IQSEC2: variants seen among roughly 807,000 people sequenced by gnomAD.
IQSEC2 encodes the protein IQ motif and SEC7 domain-containing protein 2.
A neutral mutation model predicts 74.6 loss-of-function variants in IQSEC2; 6 were observed. The observed-to-expected ratio is 0.08, with a 90% CI of 0.04 to 0.16. The LOEUF (loss-of-function observed/expected upper bound fraction) is 0.16, where lower values mean the gene tolerates loss of function less well. IQSEC2 is among the 10% of genes least tolerant of loss of function. IQSEC2 has a pLI of 1.00. For missense variants in IQSEC2, 734 were observed against 1,306.2 expected, an observed-to-expected ratio of 0.56 and a Z score of 6.75; for synonymous variants, 494 against 544.5, an observed-to-expected ratio of 0.91 and a Z score of 1.29.
intron 2 of IQSEC2, among the ~76,000 whole-genome samples, chrX:53,273,787 C>T (rs1343234726): frequency 8.9e-6 from 1 of 112,262 alleles, no homozygotes; most frequent in East Asian, 2.8e-4. Flanking sequence ...TTCTTTGGAT[C>T]TGCTACAGAG....
At chrX:53,312,981 G>A (rs2075335830) in intron 1 of IQSEC2, among the ~76,000 whole-genome samples, 1 of 112,363 alleles carries the variant, frequency 8.9e-6, no homozygotes, top group Admixed American at 9.4e-5. Flanking sequence ...TAGTGAAATG[G>A]TACCTATTAG....
chrX:53,244,534 A>T (rs1477245091), intron 8 of IQSEC2, among the ~76,000 whole-genome samples: 1 of 105,814 alleles, frequency 9.5e-6, no homozygotes, highest in African/African-American at 3.6e-5. Context: ...TCAAAAAAAA[A>T]AAAAAAAAAC....
intron 1 of IQSEC2, 89 bp from the exon 2 acceptor site, chrX:53,292,013 T>C: frequency 2.6e-6 from 2 of 758,013 alleles, no homozygotes; most frequent in Non-Finnish European, 3.9e-6. Flanking sequence ...TGGGGGGCCT[T>C]GAGGCCTAAT....
intron 6 of IQSEC2, 61 bp from the exon 7 acceptor site, chrX:53,248,297 C>T: frequency 1.7e-6 from 2 of 1,177,196 alleles, no homozygotes; most frequent in Non-Finnish European, 2.3e-6. Context: ...CTCTGACCCA[C>T]CTGGACCTGC....
chrX:53,263,799 AGTCT>A (rs2074608835), intron 2 of IQSEC2, among the ~76,000 whole-genome samples: 1 of 111,591 alleles, frequency 9.0e-6, no homozygotes, highest in African/African-American at 3.3e-5. Flanking sequence ...TATCACAGTC[AGTCT>A]TTCTTCCTGG....
intron 3 of IQSEC2, among the ~76,000 whole-genome samples, chrX:53,255,154 T>C (rs1468963687): frequency 4.6e-5 from 5 of 108,051 alleles, no homozygotes; most frequent in Non-Finnish European, 7.6e-5. Context: ...GAAGAACATA[T>C]TGATTATTTG....
At chrX:53,266,231 G>A (rs1020373322) in intron 2 of IQSEC2, 9 of 302,677 alleles carry the variant, frequency 3.0e-5, no homozygotes, top group Non-Finnish European at 3.5e-5. Context: ...TCTCTTTCCC[G>A]GCCCCTATTC....
rs2074441433 is a variant in IQSEC2, at chrX:53,254,726, T to C, written c.1205A>G (p.Asn402Ser). ...AGGCTTGCCCTCGAAGTACGCGGGG[T>C]TCTGTGCCTTCTCATACTCCTCAAA... The part of the protein sequence containing the change: ...FSFEEYEKAQ[N>S]PAYFEGKPAS... The change falls in exon 4 of 15, where the codon AAC becomes AGC. Residue 402 changes from asparagine to serine, a missense_variant. Transcript: ENST00000642864. 19 of 1,202,611 alleles carry C rather than the reference T, an allele frequency of 1.6e-5. No individual in the cohort carries two copies. Among genetic ancestry groups the C allele is most frequent in the Non-Finnish European group, 1.8e-5 (16 of 891,373 alleles).
rs374403734 is a variant in IQSEC2 at position 53,308,472 on chromosome X, G to A, written c.707+11945C>T. On this transcript the variant is annotated intron_variant, in intron 1 of 14. Coordinates refer to ENST00000642864, the MANE Select transcript of IQSEC2 (RefSeq NM_001111125.3). ...ATTTGGCCCTGCGATGACTAATAGT[G>A]ACATAGTCATAATCACATAAACAGT... Among the ~76,000 whole-genome samples the A allele has an allele frequency of 3.1e-4, 34 of 111,451 alleles. No individual in the cohort carries two copies. In the Middle Eastern group the frequency reaches 0.014, roughly 45 times the overall value.
Position 53,248,185 on chromosome X carries a change from G to T in IQSEC2, c.2511C>A (p.Leu837=), listed in dbSNP as rs1556862446. The change falls in exon 7 of 15, where the codon CTC becomes CTA. Residue 837 remains leucine (L), a synonymous_variant. Transcript: ENST00000642864. The stretch of plus-strand genomic sequence containing the variant: ...CCCGGATATGGGACTGGAACTTCCG[G>T]AGCGCATCATCCAGATCCATGGAGG... ...DFSSMDLDDA[L]RKFQSHIRVQ... is the part of the protein sequence containing the mutation. 1 of 1,209,959 alleles carries T rather than the reference G, an allele frequency of 8.3e-7. No individual in the cohort carries two copies. Among genetic ancestry groups the T allele is most frequent in the Admixed American group, 2.2e-5 (1 of 45,891 alleles).
chrX:53,259,351 A>G (rs1240259893), intron 2 of IQSEC2, among the ~76,000 whole-genome samples: 1 of 104,751 alleles, frequency 9.5e-6, no homozygotes, highest in African/African-American at 3.5e-5. Flanking sequence ...CAAAAATACA[A>G]AAAATTAGCC....
At position 53,251,148 on chromosome X, in the gene IQSEC2, G is replaced by A. The variant is rs781915467; in HGVS notation, c.1428C>T (p.Asp476=). 12 of 1,209,295 alleles carry A rather than the reference G, an allele frequency of 9.9e-6. No homozygotes were observed. Among genetic ancestry groups the A allele is most frequent in the East Asian group, 3.0e-5 (1 of 33,757 alleles). ...CTGACGGGTGGCAGTTCAGGGCTTC[G>A]TCGATGGATTCAGCCAGAGACTTTA... ...KQVKSLAESI[D]EALNCHPSGP... The change falls in exon 5 of 15, where the codon GAC becomes GAT. Residue 476 remains aspartate, a synonymous_variant. Transcript: ENST00000642864.
chrX:53,306,402 G>A (rs1340026343), intron 1 of IQSEC2, among the ~76,000 whole-genome samples: 1 of 111,205 alleles, frequency 9.0e-6, no homozygotes, highest in Non-Finnish European at 1.9e-5. Context: ...CCTCGGCTGA[G>A]GGCTCGCTTG....
chrX:53,310,709 T>C (rs947165176), intron 1 of IQSEC2, among the ~76,000 whole-genome samples: 4 of 111,414 alleles, frequency 3.6e-5, no homozygotes, highest in Admixed American at 2.9e-4. Flanking sequence ...GAGACCTGGC[T>C]GTCAGGCCAG....
intron 3 of IQSEC2, 101 bp from the exon 4 acceptor site, chrX:53,255,032 G>C (rs1292894170): frequency 2.3e-6 from 2 of 855,240 alleles, no homozygotes; most frequent in Non-Finnish European, 3.3e-6. Flanking sequence ...ATGGCTGACT[G>C]CTTACAGCCA....
intron 1 of IQSEC2, 21 bp downstream of exon 1, chrX:53,320,396 G>A: frequency 8.8e-7 from 1 of 1,136,429 alleles, no homozygotes; most frequent in Non-Finnish European, 1.2e-6. Context: ...AGAGCCGGGG[G>A]TACAAACACA....
At chrX:53,249,445 T>C (rs1556862751) in intron 5 of IQSEC2, among the ~76,000 whole-genome samples, 1 of 111,651 alleles carries the variant, frequency 9.0e-6, no homozygotes, top group Non-Finnish European at 1.9e-5. Flanking sequence ...AAGGTTAAAA[T>C]TTGGAAGGGA....
intron 2 of IQSEC2, chrX:53,266,206 C>T (rs1394362383): frequency 4.8e-6 from 1 of 207,294 alleles, no homozygotes; most frequent in East Asian, 2.5e-4. Flanking sequence ...GACAAAACCA[C>T]GAATCAAACC....
intron 8 of IQSEC2, 67 bp from the exon 9 acceptor site, chrX:53,243,538 C>G: frequency 1.8e-6 from 2 of 1,106,945 alleles, no homozygotes; most frequent in Non-Finnish European, 2.4e-6. Flanking sequence ...GGGTGCTCCA[C>G]CACCCCCACA....
Sources: allele counts gnomAD v4.1 joint callset (sites outside exome capture counted in the v4.1 genomes callset), GRCh38; gene constraint gnomAD v4.1.1; transcripts MANE v1.5; gene names NCBI Gene and HGNC (gene_info 2026-07-23, HGNC 2026-07-21).